The following TSGA10 variants were observed in gnomAD, a reference collection of about 807,000 sequenced individuals.
TSGA10 encodes the protein testis specific 10.
Under a neutral mutation model 96.6 loss-of-function variants are expected in TSGA10, and 43 were observed. The ratio of observed to expected loss-of-function variants is 0.44; its 90% confidence interval spans 0.35 to 0.57. The LOEUF is 0.57. Ranked by LOEUF, TSGA10 falls within the 20% of genes least tolerant of loss-of-function variation. The pLI, the probability that TSGA10 is intolerant of heterozygous loss-of-function variation, is 0.01. For synonymous variants in TSGA10, 229 were observed against 269.9 expected (o/e 0.85, Z 1.48); for missense variants, 703 against 834.4 (o/e 0.84, Z 1.94).
chr2:99,025,983 T>G (rs941921440), intron 17 of TSGA10, among the ~76,000 whole-genome samples: 4 of 152,238 alleles, frequency 2.6e-5, no homozygotes, highest in Non-Finnish European at 5.9e-5. Flanking sequence ...CTTTTAAATC[T>G]ATTGAGGCTT....
chr2:99,089,124 C>T (rs1028882689), intron 10 of TSGA10, among the ~76,000 whole-genome samples: 16 of 152,186 alleles, frequency 1.1e-4, no homozygotes, highest in South Asian at 2.1e-4. Flanking sequence ...CCTGAACACA[C>T]ACCTTCACTG....
chr2:99,006,151 A>C (rs571996633), intron 20 of TSGA10, among the ~76,000 whole-genome samples: 1 of 152,234 alleles, frequency 6.6e-6, no homozygotes, highest in Non-Finnish European at 1.5e-5. Context: ...TTCAAGATGG[A>C]TTAAAGACTT....
intron 4 of TSGA10, among the ~76,000 whole-genome samples, chr2:99,115,900 T>C (rs2092228034): frequency 6.6e-6 from 1 of 152,098 alleles, no homozygotes; most frequent in Non-Finnish European, 1.5e-5. Context: ...AAAAGTTCTA[T>C]TATTTGACTT....
chr2:99,042,750 C>T (rs1164773700), intron 16 of TSGA10, among the ~76,000 whole-genome samples: 1 of 151,360 alleles, frequency 6.6e-6, no homozygotes, highest in Non-Finnish European at 1.5e-5. Flanking sequence ...GTGGCCCAGG[C>T]TGGAGTGTAG....
At chr2:99,044,595 C>T (rs1558826072) in intron 16 of TSGA10, among the ~76,000 whole-genome samples, 2 of 152,106 alleles carry the variant, frequency 1.3e-5, no homozygotes, top group Non-Finnish European at 2.9e-5. Context: ...GAGATTTTAA[C>T]ACCCCAATGT....
intron 2 of TSGA10, among the ~76,000 whole-genome samples, chr2:99,122,904 G>C (rs922390504): frequency 6.6e-6 from 1 of 152,102 alleles, no homozygotes; most frequent in African/African-American, 2.4e-5. Flanking sequence ...CTTCCTTTCT[G>C]GTTAGAGAAA....
intron 16 of TSGA10, among the ~76,000 whole-genome samples, chr2:99,052,839 C>T (rs546351195): frequency 1.7e-4 from 26 of 152,164 alleles, no homozygotes; most frequent in African/African-American, 6.0e-4. Flanking sequence ...AAGGCTGAGG[C>T]AGGTGGATCA....
chr2:99,043,837 A>G (rs892682381), intron 16 of TSGA10, among the ~76,000 whole-genome samples: 1 of 152,236 alleles, frequency 6.6e-6, no homozygotes, highest in African/African-American at 2.4e-5. Flanking sequence ...AAATCTCTAC[A>G]GAAATGCTAC....
At chr2:99,035,634 C>CAT (rs1232895205) in intron 16 of TSGA10, among the ~76,000 whole-genome samples, 195 bp from the exon 17 acceptor site, 1 of 140,592 alleles carries the variant, frequency 7.1e-6, no homozygotes, top group Non-Finnish European at 1.5e-5. Flanking sequence ...TTTTTTTTTA[C>CAT]ATAAAATTCA....
At chr2:99,076,153 T>C (rs1188314976) in intron 12 of TSGA10, among the ~76,000 whole-genome samples, 3 of 152,192 alleles carry the variant, frequency 2.0e-5, no homozygotes, top group Non-Finnish European at 4.4e-5. Flanking sequence ...ATAACTTTCC[T>C]TTCTAAGCCT....
intron 1 of TSGA10, among the ~76,000 whole-genome samples, chr2:99,154,021 TTTG>T (rs1265358929): frequency 6.6e-6 from 1 of 152,212 alleles, no homozygotes; most frequent in African/African-American, 2.4e-5. Context: ...CTGGGCTGGC[TTTG>T]TTGTTGTTTT....
intron 17 of TSGA10, among the ~76,000 whole-genome samples, chr2:99,023,144 T>C (rs1345298268): frequency 3.3e-5 from 5 of 152,108 alleles, no homozygotes; most frequent in South Asian, 2.1e-4. Context: ...GGAATACAAC[T>C]GTGCACCACC....
intron 17 of TSGA10, among the ~76,000 whole-genome samples, chr2:99,034,753 A>T (rs922448320): frequency 6.6e-6 from 1 of 152,102 alleles, no homozygotes; most frequent in Non-Finnish European, 1.5e-5. Flanking sequence ...TTCATTACAA[A>T]TTATTTGTAT....
chr2:99,091,903 T>C (rs963745604), intron 10 of TSGA10, among the ~76,000 whole-genome samples: 1 of 152,064 alleles, frequency 6.6e-6, no homozygotes, highest in Non-Finnish European at 1.5e-5. Context: ...ATTTAAACTA[T>C]ACCCTAGTAC....
At chr2:99,148,416 T>C (rs985602668) in intron 1 of TSGA10, 1 of 152,204 alleles carries the variant, frequency 6.6e-6, no homozygotes, top group African/African-American at 2.4e-5. Flanking sequence ...CTAAGTTGTA[T>C]TTGAGTCCCA....
rs918179360 is a variant in TSGA10 at position 99,112,701 on chromosome 2, G to A, written c.-139-1786C>T. Among the ~76,000 whole-genome samples, 9 of 151,810 alleles carry A rather than the reference G, an allele frequency of 5.9e-5. 1 individual carries two copies. Among genetic ancestry groups the A allele is most frequent in the Admixed American group, 3.3e-4 (5 of 15,270 alleles). ...GGTTCTAAGTATGGAGACCGGCATG[G>A]CTGGAGCACAGTGAGGGAAGGGGAA... On this transcript the variant is annotated intron_variant, in intron 4 of 20. Coordinates refer to ENST00000393483, the MANE Select transcript of TSGA10 (RefSeq NM_025244.4).
intron 16 of TSGA10, among the ~76,000 whole-genome samples, chr2:99,060,541 A>T (rs2084564917): frequency 6.6e-6 from 1 of 152,176 alleles, no homozygotes; most frequent in African/African-American, 2.4e-5. Context: ...GTATATTCAA[A>T]ATAATGCTAA....
chr2:99,004,829 G>GA (rs1191947941), intron 20 of TSGA10, among the ~76,000 whole-genome samples: 3 of 152,096 alleles, frequency 2.0e-5, no homozygotes, highest in Non-Finnish European at 4.4e-5. Context: ...GGCTGGCAGA[G>GA]ACACAACAAA....
chr2:99,027,120 C>T (rs1231900101), intron 17 of TSGA10, among the ~76,000 whole-genome samples: 1 of 152,238 alleles, frequency 6.6e-6, no homozygotes, highest in Non-Finnish European at 1.5e-5. Flanking sequence ...CACCGCTCAC[C>T]TCCTGCTGTG....
Sources: gnomAD v4.1 joint callset for allele counts (sites outside exome capture counted in the v4.1 genomes callset) on GRCh38, gnomAD v4.1.1 for gene constraint, MANE v1.5 for transcripts, NCBI Gene and HGNC (gene_info 2026-07-23, HGNC 2026-07-21) for gene names.